ARMC3: variants seen among roughly 807,000 people sequenced by gnomAD.
ARMC3 encodes the protein armadillo repeat-containing protein 3.
A neutral mutation model predicts 90.3 loss-of-function variants in ARMC3; 74 were observed. The ratio of observed to expected loss-of-function variants is 0.82; its 90% CI spans 0.68 to 0.99. The LOEUF is 0.99. Ranked by LOEUF, ARMC3 falls within the 50% of genes least tolerant of loss-of-function variation. ARMC3 has a pLI of 0.00. For synonymous variants in ARMC3, 334 were observed against 361.8 expected, an observed-to-expected ratio of 0.92 and a Z score of 0.87; for missense variants, 958 against 1,042.8, an observed-to-expected ratio of 0.92 and a Z score of 1.12.
intron 3 of ARMC3, among the ~76,000 whole-genome samples, chr10:22,948,024 ATT>A (rs1467473631): frequency 6.6e-6 from 1 of 152,190 alleles, no homozygotes; most frequent in African/African-American, 2.4e-5. Context: ...TTAATAAACC[ATT>A]TCAAACTAAG....
chr10:22,962,743 C>T (rs935139994), intron 7 of ARMC3, among the ~76,000 whole-genome samples: 6 of 152,124 alleles, frequency 3.9e-5, no homozygotes, highest in South Asian at 4.1e-4. Flanking sequence ...AGGAGAAAAA[C>T]GGAGTGGTAA....
chr10:22,990,164 TTC>T (rs772484221), intron 10 of ARMC3, among the ~76,000 whole-genome samples: 29 of 87,396 alleles, frequency 3.3e-4, no homozygotes, highest in East Asian at 2.5e-3. Flanking sequence ...ATTGTGTGAT[TTC>T]CCCCCCCCAC....
At chr10:23,000,582 A>G (rs1420206727) in intron 11 of ARMC3, among the ~76,000 whole-genome samples, 1 of 152,236 alleles carries the variant, frequency 6.6e-6, no homozygotes, top group Non-Finnish European at 1.5e-5. Context: ...TGAATGAGTG[A>G]ACAAATAAAT....
intron 16 of ARMC3, among the ~76,000 whole-genome samples, chr10:23,023,810 G>C (rs1838605243): frequency 6.6e-6 from 1 of 151,460 alleles, no homozygotes; most frequent in South Asian, 2.1e-4. Flanking sequence ...ATAACCAAGA[G>C]AAAAATTAAC....
At chr10:22,947,317 C>T (rs2131193030) in intron 3 of ARMC3, among the ~76,000 whole-genome samples, 1 of 128,306 alleles carries the variant, frequency 7.8e-6, no homozygotes, top group East Asian at 2.0e-4. Context: ...AAAAACAAAC[C>T]AACCAACCAA....
chr10:23,005,244 G>C lies in ARMC3; in HGVS notation c.1732-1640G>C, dbSNP rs376322197. Among the ~76,000 whole-genome samples the C allele has an allele frequency of 5.3e-5, 8 of 150,872 alleles. No individual in the cohort carries two copies. In the East Asian group the frequency reaches 5.8e-4, roughly 11 times the overall value. Reference sequence around the variant, plus strand: ...AAAAAAAAAAAAAAACCAAACCAAGGGGGGAAAACAAACAAGAAAACTGAC... The same window carrying C: ...AAAAAAAAAAAAAAACCAAACCAAGCGGGGAAAACAAACAAGAAAACTGAC... On this transcript the variant is annotated intron_variant, in intron 13 of 18. Transcript: ENST00000298032.
intron 3 of ARMC3, among the ~76,000 whole-genome samples, chr10:22,949,010 G>T (rs1834640246): frequency 6.6e-6 from 1 of 152,172 alleles, no homozygotes; most frequent in Non-Finnish European, 1.5e-5. Context: ...GTTTCCATCA[G>T]CCAGGCAGAA....
At chr10:22,964,750 G>GTT (rs796607279) in intron 7 of ARMC3, among the ~76,000 whole-genome samples, 3 of 143,430 alleles carry the variant, frequency 2.1e-5, no homozygotes, top group African/African-American at 7.6e-5. Context: ...CCCCCGTAGT[G>GTT]TTTTTTTTTT....
intron 2 of ARMC3, among the ~76,000 whole-genome samples, chr10:22,944,913 C>T (rs1456735645): frequency 6.6e-6 from 1 of 152,222 alleles, no homozygotes; most frequent in Non-Finnish European, 1.5e-5. Flanking sequence ...TGATTTTTTA[C>T]TGAAGATTTG....
At chr10:22,953,343 A>C (rs1055364347) in intron 3 of ARMC3, among the ~76,000 whole-genome samples, 1 of 152,224 alleles carries the variant, frequency 6.6e-6, no homozygotes, top group African/African-American at 2.4e-5. Context: ...ATAAGATAAT[A>C]AATTTGTGTT....
At chr10:22,992,885 C>T (rs1181348145) in intron 10 of ARMC3, among the ~76,000 whole-genome samples, 6 of 152,202 alleles carry the variant, frequency 3.9e-5, no homozygotes, top group South Asian at 2.1e-4. Context: ...TTCCTGCAGC[C>T]GGCAAGGCTT....
chr10:22,958,559 C>T (rs949567613), intron 4 of ARMC3, among the ~76,000 whole-genome samples: 2 of 152,062 alleles, frequency 1.3e-5, no homozygotes, highest in African/African-American at 2.4e-5. Context: ...AGCTCATGAT[C>T]GAGGAATATA....
chr10:22,973,749 CTTTCTTTTTT>C (rs1835783015), intron 8 of ARMC3, among the ~76,000 whole-genome samples: 1 of 109,658 alleles, frequency 9.1e-6, no homozygotes, highest in African/African-American at 3.9e-5. Flanking sequence ...TTTTCTTTGT[CTTTCTTTTTT>C]TTTTTTTTTT....
rs1316609109 is a variant in ARMC3, at chr10:22,932,031, C to T, written c.35C>T (p.Pro12Leu). 2 of 1,602,242 alleles carry T rather than the reference C, an allele frequency of 1.2e-6. No individual in the cohort carries two copies. The highest frequency in any genetic ancestry group is 2.2e-5 in the East Asian group (1 of 44,598). ...GKKIKKEVEP[P>L]PKDVFDPLMI... ...AAGATAAAGAAGGAAGTAGAGCCTC[C>T]TCCTAAGGATGTGGTAAGTTTCTGA... The change falls in exon 2 of 19, where the codon CCT (proline) becomes CTT (leucine). Residue 12 changes from proline (P) to leucine (L), a missense_variant. Physicochemically the swap from Pro to Leu is moderately conservative, Grantham distance 98. Transcript: ENST00000298032.
chr10:22,969,162 TA>T (rs200169446), intron 8 of ARMC3, among the ~76,000 whole-genome samples: 1,658 of 152,306 alleles, frequency 0.011, 15 homozygotes, highest in Non-Finnish European at 0.015. Flanking sequence ...TGGAGTCTAG[TA>T]GCACCATGTT....
At position 22,948,659 on chromosome 10, in the gene ARMC3, C is replaced by T. The variant is rs138245314; in HGVS notation, c.166+2398C>T. On this transcript the variant is annotated intron_variant, in intron 3 of 18. Transcript: ENST00000298032. ...ATAAAGGGCAGTGACCACTGAGAGA[C>T]GGGAAACAAGGGAAGTAAACCCTAT... 2.0e-3 allele frequency among the ~76,000 whole-genome samples: 309 copies of T among 151,982 alleles called. 2 individuals carry two copies. Among genetic ancestry groups the T allele is most frequent in the African/African-American group, 6.9e-3 (288 of 41,446 alleles).
At chr10:22,942,433 T>C (rs1834358197) in intron 2 of ARMC3, among the ~76,000 whole-genome samples, 1 of 152,188 alleles carries the variant, frequency 6.6e-6, no homozygotes, top group South Asian at 2.1e-4. Context: ...GAGAGAACTT[T>C]CAAAAGTAAT....
intron 1 of ARMC3, among the ~76,000 whole-genome samples, chr10:22,931,355 T>A (rs1833924081): frequency 6.6e-6 from 1 of 152,206 alleles, no homozygotes. Flanking sequence ...TAACCTCAGT[T>A]TCCCCAGAAT....
At chr10:22,990,990 C>T (rs1431990474) in intron 10 of ARMC3, among the ~76,000 whole-genome samples, 1 of 151,810 alleles carries the variant, frequency 6.6e-6, no homozygotes, top group Non-Finnish European at 1.5e-5. Flanking sequence ...CTTCCTCTGC[C>T]TCCTCCTCTC....
Sources: gnomAD v4.1 joint callset for allele counts (sites outside exome capture counted in the v4.1 genomes callset) on GRCh38, gnomAD v4.1.1 for gene constraint, MANE v1.5 for transcripts, NCBI Gene and HGNC (gene_info 2026-07-23, HGNC 2026-07-21) for gene names.